The following PALM2AKAP2 variants were observed in gnomAD, a reference collection of about 807,000 sequenced individuals.
PALM2AKAP2 encodes PALM2-AKAP2 fusion protein.
A neutral mutation model predicts 71.5 loss-of-function variants in PALM2AKAP2; 37 were observed. That is an observed-to-expected ratio of 0.52 (90% CI 0.40 to 0.68). The LOEUF (loss-of-function observed/expected upper bound fraction) is 0.68, where lower values mean the gene tolerates loss of function less well. PALM2AKAP2 is among the 30% of genes least tolerant of loss of function. The pLI is 0.00. For synonymous variants in PALM2AKAP2, 468 were observed against 478.8 expected (o/e 0.98, Z 0.29); for missense variants, 1,224 against 1,191.8 (o/e 1.03, Z -0.40).
At chr9:109,717,504 A>G (rs554837620) in intron 1 of PALM2AKAP2, among the ~76,000 whole-genome samples, 1 of 152,352 alleles carries the variant, frequency 6.6e-6, no homozygotes, top group South Asian at 2.1e-4. Context: ...AAGGAGTAGC[A>G]GAAACAGTTG....
chr9:109,657,968 G>A (rs1225949210), intron 1 of PALM2AKAP2, among the ~76,000 whole-genome samples: 4 of 150,838 alleles, frequency 2.7e-5, no homozygotes, highest in Non-Finnish European at 5.9e-5. Flanking sequence ...GTGTGTGTGT[G>A]TGTGTGTCAG....
chr9:110,089,941 C>T (rs569199621), intron 1 of PALM2AKAP2, among the ~76,000 whole-genome samples: 2 of 152,180 alleles, frequency 1.3e-5, no homozygotes, highest in African/African-American at 2.4e-5. Flanking sequence ...CAACAAAAAA[C>T]CACAACTGCC....
intron 3 of PALM2AKAP2, among the ~76,000 whole-genome samples, chr9:110,167,458 GC>G (rs1836764757): frequency 8.3e-6 from 1 of 120,242 alleles, no homozygotes. Context: ...CAACCTAAAT[GC>G]CATTAATCTG....
chr9:110,082,082 T>TTTTTGTTTTGTTTTG (rs58324942), intron 1 of PALM2AKAP2, among the ~76,000 whole-genome samples: 17 of 151,738 alleles, frequency 1.1e-4, no homozygotes, highest in Admixed American at 6.5e-5. Flanking sequence ...AAGCAGTGGC[T>TTTTTGTTTTGTTTTG]TTTTGTTTTG....
At chr9:110,172,058 A>C (rs1836871851) in exon 4 of PALM2AKAP2, 1 of 152,538 alleles carries the variant, frequency 6.6e-6, no homozygotes, top group Non-Finnish European at 1.5e-5. Flanking sequence ...ACACACACAT[A>C]TATATATATA....
intron 1 of PALM2AKAP2, among the ~76,000 whole-genome samples, chr9:109,836,688 C>A (rs1194732780): frequency 6.6e-6 from 1 of 152,164 alleles, no homozygotes; most frequent in East Asian, 1.9e-4. Flanking sequence ...CCTTAAATGA[C>A]CTGATGGAGC....
rs529866627 is a variant in PALM2AKAP2, at chr9:109,989,015, G to A, written c.497-26939G>A. On this transcript the variant is annotated intron_variant, in intron 6 of 9. Coordinates refer to the PALM2AKAP2 transcript ENST00000302798. ...GCCTTTGCCTTCTGCCATGATTGTG[G>A]GGCCTCCCCAGCCAAGTGGAACTAT... Among the ~76,000 whole-genome samples the A allele has an allele frequency of 2.0e-5, 3 of 152,162 alleles. No individual in the cohort carries two copies. The East Asian group carries it at 5.8e-4, about 29-fold the overall frequency.
At chr9:109,984,060 C>T (rs1832327212) in intron 6 of PALM2AKAP2, among the ~76,000 whole-genome samples, 1 of 152,088 alleles carries the variant, frequency 6.6e-6, no homozygotes. Flanking sequence ...TAAAAACTTA[C>T]CTAATGTGTA....
chr9:109,921,573 C>T (rs1830830015), intron 3 of PALM2AKAP2, among the ~76,000 whole-genome samples: 1 of 152,154 alleles, frequency 6.6e-6, no homozygotes, highest in Admixed American at 6.5e-5. Context: ...AAGAAATGTT[C>T]AGAGGGAAGC....
chr9:109,733,510 G>T (rs553732827), intron 1 of PALM2AKAP2, among the ~76,000 whole-genome samples: 1 of 152,276 alleles, frequency 6.6e-6, no homozygotes, highest in South Asian at 2.1e-4. Flanking sequence ...ACAAAGCAGA[G>T]ACTCAAGAAG....
intron 2 of PALM2AKAP2, among the ~76,000 whole-genome samples, chr9:110,140,888 G>T (rs1406430486): frequency 6.6e-6 from 1 of 152,198 alleles, no homozygotes; most frequent in Non-Finnish European, 1.5e-5. Flanking sequence ...GAAAGGAAAG[G>T]GAGGAAGAAG....
rs138645499 is a variant in PALM2AKAP2 at position 110,122,700 on chromosome 9, G to A, written c.157-13427G>A. On this transcript the variant is annotated intron_variant, in intron 1 of 3. Transcript: ENST00000374525. ...AGTGGCTAGACTTTCATAAATTGAA[G>A]TTTACTTCCCAGTCAACCAGGACCA... is the stretch of plus-strand genomic sequence containing the variant. 1.5e-3 allele frequency among the ~76,000 whole-genome samples: 221 copies of A among 152,354 alleles called. 2 individuals are homozygous for A. The highest frequency in any genetic ancestry group is 4.7e-3 in the African/African-American group (196 of 41,580).
intron 1 of PALM2AKAP2, among the ~76,000 whole-genome samples, chr9:109,718,674 C>T (rs560616971): frequency 1.6e-4 from 24 of 152,086 alleles, no homozygotes; most frequent in Admixed American, 1.5e-3. Flanking sequence ...CCATTGTTAA[C>T]ATCTTAACAA....
chr9:109,945,060 A>G (rs1831471164), intron 6 of PALM2AKAP2: 2 of 152,140 alleles, frequency 1.3e-5, no homozygotes, highest in African/African-American at 4.8e-5. Flanking sequence ...TTATTATAGA[A>G]GCTGTCTAAT....
intron 3 of PALM2AKAP2, among the ~76,000 whole-genome samples, chr9:109,887,337 G>T (rs1290504835): frequency 6.6e-6 from 1 of 152,154 alleles, no homozygotes; most frequent in South Asian, 2.1e-4. Context: ...CTGTTCTTTT[G>T]AGCAGGGAGG....
chr9:110,083,784 G>T (rs1834501723), intron 1 of PALM2AKAP2, among the ~76,000 whole-genome samples: 2 of 152,236 alleles, frequency 1.3e-5, no homozygotes, highest in South Asian at 4.1e-4. Flanking sequence ...GCCTTTGATA[G>T]CATGGAAGAG....
chr9:110,155,497 C>T lies in PALM2AKAP2; in HGVS notation c.2570-822C>T, dbSNP rs150729856. ...GATGGAAATGGTCTTGGTGAGGGTG[C>T]GTAGAGTCACCACACCACTGTTGAA... On this transcript the variant is annotated intron_variant, in intron 2 of 3. Coordinates refer to ENST00000374525, the Ensembl canonical transcript of PALM2AKAP2. 3.7e-3 allele frequency among the ~76,000 whole-genome samples: 562 copies of T among 152,246 alleles called. 2 individuals carry two copies. The highest frequency in any genetic ancestry group is 0.012 in the African/African-American group (510 of 41,528).
At chr9:109,849,867 T>TC (rs1237653016) in intron 1 of PALM2AKAP2, among the ~76,000 whole-genome samples, 4 of 152,178 alleles carry the variant, frequency 2.6e-5, no homozygotes, top group Non-Finnish European at 5.9e-5. Context: ...TCTTGCGCTA[T>TC]TTTTTTAAAC....
intron 3 of PALM2AKAP2, among the ~76,000 whole-genome samples, chr9:109,921,584 G>T (rs185990518): frequency 5.0e-4 from 76 of 152,324 alleles, no homozygotes; most frequent in African/African-American, 1.8e-3. Flanking sequence ...AGAGGGAAGC[G>T]ATGTTATTTC....
Sources: gnomAD v4.1 joint callset for allele counts (sites outside exome capture counted in the v4.1 genomes callset) on GRCh38, gnomAD v4.1.1 for gene constraint, MANE v1.5 for transcripts, NCBI Gene and HGNC (gene_info 2026-07-23, HGNC 2026-07-21) for gene names.